Variants in AFF3 observed in about 807,000 individuals in gnomAD.
AFF3 encodes ALF transcription elongation factor 3.
AFF3 carries 32 observed loss-of-function variants against 129.7 expected under a neutral mutation model. The observed-to-expected ratio is 0.25, with a 90% CI of 0.19 to 0.33. The LOEUF (loss-of-function observed/expected upper bound fraction) is 0.33. AFF3 is among the 10% of genes least tolerant of loss of function. The probability of loss-of-function intolerance (pLI) is 1.00; values close to 1 mark genes in which losing one functional copy is unlikely to be tolerated. For synonymous variants in AFF3, 644 were observed against 635.4 expected (o/e 1.01, Z -0.20); for missense variants, 1,373 against 1,592.0 (o/e 0.86, Z 2.34).
At chr2:99,968,063 C>T (rs1677964687) in intron 7 of AFF3, among the ~76,000 whole-genome samples, 1 of 152,218 alleles carries the variant, frequency 6.6e-6, no homozygotes, top group South Asian at 2.1e-4. Flanking sequence ...ACCACAAAAA[C>T]ATGCACCTAT....
intron 7 of AFF3, among the ~76,000 whole-genome samples, chr2:99,839,617 C>A (rs1036868440): frequency 7.0e-6 from 1 of 143,510 alleles, no homozygotes; most frequent in Non-Finnish European, 1.5e-5. Context: ...TTCTTTCTTT[C>A]TTTTTTTTTT....
At chr2:99,718,635 C>G (rs142289128) in intron 11 of AFF3, among the ~76,000 whole-genome samples, 162 of 152,244 alleles carry the variant, frequency 1.1e-3, no homozygotes, top group African/African-American at 3.8e-3. Context: ...CTGACCAAAA[C>G]CTCCAGGACA....
At chr2:99,806,519 C>T (rs1364989283) in intron 8 of AFF3, among the ~76,000 whole-genome samples, 1 of 152,140 alleles carries the variant, frequency 6.6e-6, no homozygotes, top group Non-Finnish European at 1.5e-5. Flanking sequence ...AATCTCGCTC[C>T]CTATGGCTCC....
intron 19 of AFF3, 114 bp downstream of exon 19, chr2:99,568,738 A>T: frequency 9.6e-7 from 1 of 1,038,080 alleles, no homozygotes; most frequent in Non-Finnish European, 1.5e-6. Context: ...CATTGAACAG[A>T]CCCGGCCATC....
chr2:99,768,557 T>C (rs915546763), intron 8 of AFF3, among the ~76,000 whole-genome samples: 14 of 152,218 alleles, frequency 9.2e-5, no homozygotes, highest in African/African-American at 3.4e-4. Context: ...TGTTGCAATA[T>C]TCTGTTTTTC....
At chr2:99,936,701 G>A (rs1674555170) in intron 7 of AFF3, among the ~76,000 whole-genome samples, 1 of 152,196 alleles carries the variant, frequency 6.6e-6, no homozygotes. Context: ...TCGGGCTCAT[G>A]GGGAGAAATG....
intron 19 of AFF3, among the ~76,000 whole-genome samples, chr2:99,566,251 TG>T (rs1285067048): frequency 2.0e-5 from 3 of 151,004 alleles, no homozygotes; most frequent in African/African-American, 2.5e-5. Flanking sequence ...TGGCCTCAAT[TG>T]TTTTTTTTTT....
At position 99,602,702 on chromosome 2, in the gene AFF3, C is replaced by T. The variant is rs190378331; in HGVS notation, c.1185-1081G>A. 3.3e-5 allele frequency among the ~76,000 whole-genome samples: 5 copies of T among 152,258 alleles called. No individual in the cohort carries two copies. In the East Asian group the frequency reaches 5.8e-4, roughly 18 times the overall value. ...ACTGTGACCAGTGCTTCTATAGGAC[C>T]GAGCATCAATGAAGGCCAGGGGCCA... On this transcript the variant is annotated intron_variant, in intron 13 of 24. Transcript: ENST00000672756.
intron 2 of AFF3, among the ~76,000 whole-genome samples, chr2:100,112,746 A>G (rs1239153534): frequency 6.6e-6 from 1 of 152,170 alleles, no homozygotes; most frequent in Non-Finnish European, 1.5e-5. Flanking sequence ...CAGGAGCCCA[A>G]GGTCGTGAGA....
At chr2:99,916,944 C>A (rs1695513612) in intron 7 of AFF3, among the ~76,000 whole-genome samples, 1 of 152,064 alleles carries the variant, frequency 6.6e-6, no homozygotes, top group South Asian at 2.1e-4. Flanking sequence ...CTAGGATTGC[C>A]AGAGATCTCT....
At chr2:100,076,236 C>T (rs1450426446) in intron 4 of AFF3, among the ~76,000 whole-genome samples, 1 of 152,082 alleles carries the variant, frequency 6.6e-6, no homozygotes, top group South Asian at 2.1e-4. Context: ...AACTACAAAC[C>T]GAGATATCTT....
At chr2:99,958,046 A>G (rs1576429662) in intron 7 of AFF3, among the ~76,000 whole-genome samples, 1 of 152,322 alleles carries the variant, frequency 6.6e-6, no homozygotes, top group Non-Finnish European at 1.5e-5. Flanking sequence ...ATCCTGCCCC[A>G]ATAAGAACAC....
chr2:100,083,777 T>A (rs1689205939), intron 4 of AFF3, among the ~76,000 whole-genome samples: 1 of 151,918 alleles, frequency 6.6e-6, no homozygotes, highest in African/African-American at 2.4e-5. Flanking sequence ...AGGTTAAGGA[T>A]CCTCAGCTTT....
chr2:99,680,934 CA>C (rs1674466542), intron 11 of AFF3, among the ~76,000 whole-genome samples: 1 of 152,222 alleles, frequency 6.6e-6, no homozygotes, highest in Non-Finnish European at 1.5e-5. Flanking sequence ...TGGCATAACA[CA>C]GTGGTTTCCA....
chr2:99,690,114 A>C (rs952539848), intron 11 of AFF3, among the ~76,000 whole-genome samples: 30 of 145,130 alleles, frequency 2.1e-4, no homozygotes, highest in East Asian at 1.4e-3. Context: ...CCCCACCCCC[A>C]AAAAAACCCC....
chr2:100,091,220 T>C (rs1689832427), intron 4 of AFF3, among the ~76,000 whole-genome samples: 1 of 151,868 alleles, frequency 6.6e-6, no homozygotes, highest in African/African-American at 2.4e-5. Flanking sequence ...ACCCTACAGG[T>C]AATGAAGATT....
At chr2:99,559,081 A>C in intron 21 of AFF3, 113 bp from the exon 22 acceptor site, 1 of 877,780 alleles carries the variant, frequency 1.1e-6, no homozygotes, top group Non-Finnish European at 1.8e-6. Flanking sequence ...CCTTGTTTCT[A>C]CATAGGAAAT....
At chr2:99,707,689 G>A (rs939237586) in intron 11 of AFF3, 2 of 970,336 alleles carry the variant, frequency 2.1e-6, no homozygotes, top group Admixed American at 1.2e-4. Context: ...GATGTTAATA[G>A]GATGCCTGCC....
chr2:99,886,996 C>T (rs1226264603), intron 7 of AFF3, among the ~76,000 whole-genome samples: 1 of 152,218 alleles, frequency 6.6e-6, no homozygotes, highest in Non-Finnish European at 1.5e-5. Flanking sequence ...AAGATTTCAT[C>T]ACTTCTCTCT....
Sources: allele counts gnomAD v4.1 joint callset (sites outside exome capture counted in the v4.1 genomes callset), GRCh38; gene constraint gnomAD v4.1.1; transcripts MANE v1.5; gene names NCBI Gene and HGNC (gene_info 2026-07-23, HGNC 2026-07-21).